The following CCDC33 variants were observed in gnomAD, a reference collection of about 807,000 sequenced individuals.
CCDC33 encodes the protein coiled-coil domain-containing protein 33.
A neutral mutation model predicts 91.9 loss-of-function variants in CCDC33; 94 were observed. That is an observed-to-expected ratio of 1.02 (90% CI 0.87 to 1.21). The LOEUF (loss-of-function observed/expected upper bound fraction) is 1.21, where lower values mean the gene tolerates loss of function less well. Ranked by LOEUF, CCDC33 falls within the 50% of genes most tolerant of loss-of-function variation. The probability of loss-of-function intolerance (pLI) is 0.00; values close to 1 mark genes in which losing one functional copy is unlikely to be tolerated. For missense variants in CCDC33, 940 were observed against 935.5 expected, an observed-to-expected ratio of 1.00 and a Z score of -0.06; for synonymous variants, 396 against 374.5, an observed-to-expected ratio of 1.06 and a Z score of -0.66.
At chr15:74,205,849 G>T (rs2074248815) in intron 1 of CCDC33, among the ~76,000 whole-genome samples, 1 of 152,230 alleles carries the variant, frequency 6.6e-6, no homozygotes, top group South Asian at 2.1e-4. Flanking sequence ...AGGAAATGGT[G>T]AGCTTCGTCC....
intron 2 of CCDC33, among the ~76,000 whole-genome samples, chr15:74,253,191 T>G (rs1258661679): frequency 6.6e-6 from 1 of 152,230 alleles, no homozygotes; most frequent in Non-Finnish European, 1.5e-5. Context: ...CATTGCATCC[T>G]GCATGGGCTG....
At chr15:74,285,580 C>A (rs535991206) in intron 10 of CCDC33, among the ~76,000 whole-genome samples, 1 of 151,972 alleles carries the variant, frequency 6.6e-6, no homozygotes, top group Non-Finnish European at 1.5e-5. Flanking sequence ...GGCTGCAGGG[C>A]GACCTCAGCA....
At chr15:74,226,036 C>G (rs1490454529) in intron 2 of CCDC33, among the ~76,000 whole-genome samples, 1 of 152,234 alleles carries the variant, frequency 6.6e-6, no homozygotes, top group African/African-American at 2.4e-5. Context: ...AAAGGTCCAA[C>G]CTCCCTCAGC....
intron 11 of CCDC33, among the ~76,000 whole-genome samples, chr15:74,309,348 C>T (rs546449558): frequency 2.0e-5 from 3 of 152,234 alleles, no homozygotes; most frequent in Admixed American, 6.5e-5. Flanking sequence ...CACCTCCACA[C>T]CAGGTGCCTG....
At position 74,295,157 on chromosome 15, in the gene CCDC33, G is replaced by A. The variant is rs150232738; in HGVS notation, c.1096-597G>A. 3.3e-5 allele frequency among the ~76,000 whole-genome samples: 5 copies of A among 152,380 alleles called. No individual in the cohort carries two copies. The East Asian group carries it at 9.6e-4, about 29-fold the overall frequency. On this transcript the variant is annotated intron_variant, in intron 10 of 18. Transcript: ENST00000398814. ...TACTGCACCAAGTGTGGGTGCCAGAGATGGCATAATTCATTTATTCTTCCA... is the reference window on the plus strand; with the variant it reads ...TACTGCACCAAGTGTGGGTGCCAGAAATGGCATAATTCATTTATTCTTCCA...
At chr15:74,208,008 T>C in intron 1 of CCDC33, 1 of 1,387,084 alleles carries the variant, frequency 7.2e-7, no homozygotes, top group Non-Finnish European at 9.3e-7. Flanking sequence ...TGATGTGCCC[T>C]TCCTGCAATT....
chr15:74,255,225 C>A (rs1296446602), intron 2 of CCDC33, among the ~76,000 whole-genome samples: 1 of 152,174 alleles, frequency 6.6e-6, no homozygotes, highest in Non-Finnish European at 1.5e-5. Flanking sequence ...CTCCCTCCTT[C>A]TCGAAACCTG....
At chr15:74,327,026 C>T (rs1179970611) in intron 11 of CCDC33, among the ~76,000 whole-genome samples, 3 of 152,078 alleles carry the variant, frequency 2.0e-5, no homozygotes, top group African/African-American at 7.2e-5. Context: ...TGGGGGAAGC[C>T]GAGGAGGGAA....
intron 10 of CCDC33, among the ~76,000 whole-genome samples, chr15:74,287,319 C>G (rs991453264): frequency 6.6e-6 from 1 of 152,198 alleles, no homozygotes; most frequent in Admixed American, 6.5e-5. Context: ...AGACCCTTTC[C>G]CTGCCACTAT....
intron 7 of CCDC33, among the ~76,000 whole-genome samples, chr15:74,278,296 A>G (rs893393825): frequency 1.3e-5 from 2 of 152,238 alleles, no homozygotes; most frequent in Non-Finnish European, 2.9e-5. Flanking sequence ...ACCTACACTG[A>G]TATTTCATGA....
intron 10 of CCDC33, among the ~76,000 whole-genome samples, chr15:74,293,134 C>T (rs2142578444): frequency 6.6e-6 from 1 of 152,232 alleles, no homozygotes; most frequent in East Asian, 1.9e-4. Context: ...GGGGAGGGAA[C>T]TCCTTTGCAA....
intron 16 of CCDC33, 66 bp downstream of exon 16, chr15:74,332,911 C>A (rs1567044221): frequency 6.4e-7 from 1 of 1,557,288 alleles, no homozygotes; most frequent in Non-Finnish European, 8.7e-7. Context: ...ACCCATGGTA[C>A]AACCCAAGTT....
intron 2 of CCDC33, among the ~76,000 whole-genome samples, chr15:74,227,318 A>G (rs2074833148): frequency 6.6e-6 from 1 of 152,192 alleles, no homozygotes; most frequent in Non-Finnish European, 1.5e-5. Flanking sequence ...GGAGACTCAC[A>G]CTTTGCAAGC....
At chr15:74,317,020 C>T (rs534123183) in intron 11 of CCDC33, among the ~76,000 whole-genome samples, 1 of 152,308 alleles carries the variant, frequency 6.6e-6, no homozygotes, top group South Asian at 2.1e-4. Flanking sequence ...TCTTGTGCCA[C>T]TCCCCTACTT....
chr15:74,238,455 A>G (rs982202290), intron 1 of CCDC33, among the ~76,000 whole-genome samples: 1 of 151,636 alleles, frequency 6.6e-6, no homozygotes, highest in African/African-American at 2.4e-5. Flanking sequence ...TATAATACAT[A>G]TTTGTGTTTC....
In CCDC33 at chr15:74,244,294, G is replaced by A. The variant is rs778340583; in HGVS notation, c.185+146G>A. The A allele has an allele frequency of 5.6e-6, 6 of 1,067,392 alleles. No homozygotes were observed. Among genetic ancestry groups the A allele is most frequent in the Non-Finnish European group, 7.8e-6 (6 of 770,044 alleles). The allele number at this position is 1,067,392 out of a possible 1,614,324, so 66.1% of individuals were successfully genotyped here. On this transcript the variant is annotated intron_variant, in intron 2 of 18. Transcript: ENST00000398814. The surrounding 1 kb of genome is among the most constrained non-coding windows in gnomAD (Gnocchi z 4.2). ...GGAGGAGCTGCTGTGGGCACTACCT[G>A]GCATCTCCGCTGCTGCATGGGAAGC...
chr15:74,277,250 T>G (rs894447034), intron 7 of CCDC33, among the ~76,000 whole-genome samples: 1 of 152,156 alleles, frequency 6.6e-6, no homozygotes, highest in African/African-American at 2.4e-5. Context: ...CACAGCAAGG[T>G]TGAGGCAGAC....
intron 11 of CCDC33, among the ~76,000 whole-genome samples, chr15:74,312,241 C>T (rs1296997718): frequency 1.3e-5 from 2 of 152,348 alleles, no homozygotes; most frequent in South Asian, 2.1e-4. Flanking sequence ...GCTCGTTCCT[C>T]GGAGCCACGT....
rs753593217 is a variant in CCDC33, at chr15:74,335,120, G to T, written c.2139+32G>T. Reference sequence around the variant, plus strand: ...GACCCCCCTGGAGTAGCTCCCAGGGGTTCAGGTGGTGGAGCAGGAAGCCAC... The same window carrying T: ...GACCCCCCTGGAGTAGCTCCCAGGGTTTCAGGTGGTGGAGCAGGAAGCCAC... On this transcript the variant is annotated intron_variant, in intron 18 of 18. Transcript: ENST00000398814. The T allele has an allele frequency of 3.2e-6, 5 of 1,539,082 alleles. No homozygotes were observed. In the South Asian group the frequency reaches 5.6e-5, roughly 17 times the overall value.
Sources: allele counts gnomAD v4.1 joint callset (sites outside exome capture counted in the v4.1 genomes callset), GRCh38; gene constraint gnomAD v4.1.1; non-coding constraint Gnocchi (gnomAD v3.1); transcripts MANE v1.5; gene names NCBI Gene and HGNC (gene_info 2026-07-23, HGNC 2026-07-21).